Variants in SLC35E1 observed in about 807,000 individuals in gnomAD.
SLC35E1 encodes the protein solute carrier family 35, member E1.
SLC35E1 carries 12 observed loss-of-function variants against 31.0 expected under a neutral mutation model. The observed-to-expected ratio is 0.39, with a 90% CI of 0.25 to 0.63. SLC35E1 has a LOEUF of 0.63. Ranked by LOEUF, SLC35E1 falls within the 20% of genes least tolerant of loss-of-function variation. The pLI, the probability that SLC35E1 is intolerant of heterozygous loss-of-function variation, is 0.52. For missense variants in SLC35E1, 429 were observed against 572.2 expected (o/e 0.75, Z 2.55); for synonymous variants, 257 against 264.1 (o/e 0.97, Z 0.26).
chr19:16,556,950 G>A (rs934537370), intron 4 of SLC35E1: 9 of 471,332 alleles, frequency 1.9e-5, no homozygotes, highest in East Asian at 6.9e-5. Context: ...CAGCTTCTGC[G>A]GGGAACCTCA....
chr19:16,567,365 G>C (rs1199688468), intron 3 of SLC35E1, among the ~76,000 whole-genome samples: 3 of 152,014 alleles, frequency 2.0e-5, no homozygotes, highest in Non-Finnish European at 4.4e-5. Flanking sequence ...TTTTTAGCTA[G>C]GCCTGGTGGC....
chr19:16,553,230 ACGTTC>A lies in SLC35E1; in HGVS notation c.*444_*448del. ...CCAGGGAATTAAACTAGCCAGTCTG[ACGTTC>A]TCAAGCACCGCCCTGGACACCCCCA... On this transcript the variant is annotated 3_prime_UTR_variant, in exon 6 of 6. Transcript: ENST00000595753. 1 of 152,800 alleles carries A rather than the reference ACGTTC, an allele frequency of 6.5e-6. No homozygotes were observed. The highest frequency in any genetic ancestry group is 2.1e-4 in the South Asian group (1 of 4,832). 9.5% of individuals were successfully genotyped at this position (152,800 alleles called of 1,614,324 possible). A position where few individuals can be genotyped will look rare whatever the true frequency, so the allele number is the denominator to read the frequency against.
intron 3 of SLC35E1, among the ~76,000 whole-genome samples, chr19:16,567,800 C>T (rs566819687): frequency 5.3e-5 from 8 of 151,752 alleles, no homozygotes; most frequent in African/African-American, 4.8e-5. Context: ...GTGAACCGCC[C>T]GCCTTGGCCT....
chr19:16,567,999 C>G (rs1403559952), intron 3 of SLC35E1, 33 bp downstream of exon 3: 1 of 1,575,426 alleles, frequency 6.3e-7, no homozygotes, highest in Non-Finnish European at 8.6e-7. Flanking sequence ...ACCCCTGAAA[C>G]CCCATGCATG....
At chr19:16,567,922 C>T in intron 3 of SLC35E1, 110 bp downstream of exon 3, 1 of 1,383,972 alleles carries the variant, frequency 7.2e-7, no homozygotes, top group South Asian at 1.5e-5. Context: ...CAAGATTTTT[C>T]TGCTCTAATA....
At chr19:16,567,594 C>T (rs1407134254) in intron 3 of SLC35E1, among the ~76,000 whole-genome samples, 1 of 152,184 alleles carries the variant, frequency 6.6e-6, no homozygotes, top group Non-Finnish European at 1.5e-5. Flanking sequence ...TGGAGACTCA[C>T]TCTTGCCCAG....
chr19:16,560,334 T>C (rs1255734183), intron 4 of SLC35E1, among the ~76,000 whole-genome samples: 1 of 152,154 alleles, frequency 6.6e-6, no homozygotes, highest in African/African-American at 2.4e-5. Context: ...CGTACTCTGC[T>C]GTTCACTTCC....
At chr19:16,566,314 G>C (rs1021320760) in intron 4 of SLC35E1, 13 of 572,194 alleles carry the variant, frequency 2.3e-5, no homozygotes, top group African/African-American at 2.3e-4. Context: ...CAGCACCTGG[G>C]ATCAAGCACA....
rs982004000 is a variant in SLC35E1, at chr19:16,552,875, T to G, written c.*804A>C. 1 of 152,228 alleles carries G rather than the reference T, an allele frequency of 6.6e-6. No homozygotes were observed. The highest frequency in any genetic ancestry group is 2.4e-5 in the African/African-American group (1 of 41,446). 9.4% of individuals were successfully genotyped at this position (152,228 alleles called of 1,614,324 possible). ...GCCACAGAAATAGAGCTTGAAATAC[T>G]GAACACGATTTCTCGAAGATCCTTC... is the stretch of plus-strand genomic sequence containing the variant. On this transcript the variant is annotated 3_prime_UTR_variant, in exon 6 of 6. Transcript: ENST00000595753.
chr19:16,553,589 G>A lies in SLC35E1; in HGVS notation c.*90C>T. The A allele has an allele frequency of 8.1e-7, 1 of 1,239,566 alleles. No homozygotes were observed. Among genetic ancestry groups the A allele is most frequent in the East Asian group, 2.5e-5 (1 of 39,396 alleles). 76.8% of individuals were successfully genotyped at this position (1,239,566 alleles called of 1,614,324 possible). A position where few individuals can be genotyped will look rare whatever the true frequency, so the allele number is the denominator to read the frequency against. On this transcript the variant is annotated 3_prime_UTR_variant, in exon 6 of 6. Coordinates refer to ENST00000595753, the MANE Select transcript of SLC35E1 (RefSeq NM_024881.5). ...AGTTATGCACCGTCCCCTCGGCTGG[G>A]TTGTACATTCACTGATTGTCAGAAG...
chr19:16,560,292 G>A (rs1400777999), intron 4 of SLC35E1, among the ~76,000 whole-genome samples: 1 of 151,996 alleles, frequency 6.6e-6, no homozygotes, highest in African/African-American at 2.4e-5. Flanking sequence ...CCCTTTCATG[G>A]CCCTCCAGTC....
In SLC35E1 at chr19:16,553,156, C is replaced by A. The variant is rs899237159; in HGVS notation, c.*523G>T. On this transcript the variant is annotated 3_prime_UTR_variant, in exon 6 of 6. Coordinates refer to ENST00000595753, the MANE Select transcript of SLC35E1 (RefSeq NM_024881.5). Reference sequence around the variant, plus strand: ...CTGGGGATGTTTTGAATGATTCTCGCGGGCTCCCTGTCTGCTTGGTGACCC... The same window carrying A: ...CTGGGGATGTTTTGAATGATTCTCGAGGGCTCCCTGTCTGCTTGGTGACCC... 1 of 152,342 alleles carries A rather than the reference C, an allele frequency of 6.6e-6. No individual in the cohort carries two copies. Among genetic ancestry groups the A allele is most frequent in the African/African-American group, 2.4e-5 (1 of 41,436 alleles). The allele number at this position is 152,342 out of a possible 1,614,324, so 9.4% of individuals were successfully genotyped here.
intron 1 of SLC35E1, 49 bp downstream of exon 1, chr19:16,571,895 C>T: frequency 8.6e-6 from 13 of 1,518,836 alleles, no homozygotes; most frequent in Non-Finnish European, 1.1e-5. Flanking sequence ...CGCCCAAACC[C>T]GAAGCGGCGG....
chr19:16,572,024 G>A lies in SLC35E1; in HGVS notation c.341C>T (p.Pro114Leu), dbSNP rs1410634210. The A allele has an allele frequency of 1.9e-5, 30 of 1,544,678 alleles. No homozygotes were observed. The highest frequency in any genetic ancestry group is 1.7e-4 in the Middle Eastern group (1 of 5,964). ...CGCGAAGTACTTGCCGAAGGCGAGC[G>A]GTAGCACGTAGCGCGGGTAGAAGCG... ...PPRFYPRYVL[P>L]LAFGKYFASV... Residue 114 changes from proline (P) to leucine (L), a missense_variant, in exon 1 of 6, where the codon CCG becomes CTG. Physicochemically the swap from Pro to Leu is moderately conservative, Grantham distance 98. Coordinates refer to ENST00000595753, the MANE Select transcript of SLC35E1 (RefSeq NM_024881.5). The surrounding 1 kb of genome is among the most constrained non-coding windows in gnomAD (Gnocchi z 4.1).
Position 16,555,133 on chromosome 19 carries a change from C to T in SLC35E1, c.1002+19G>A. ...TGGGGGGCCGGCTTCCTTCCCTGCC[C>T]AGCCTCTCAGACTCTCACCTTGTTA... On this transcript the variant is annotated intron_variant, in intron 5 of 5. Transcript: ENST00000595753. This position sits in a 1 kb window ranked among gnomAD's most constrained non-coding sequence, Gnocchi z 4.1. 1.2e-6 allele frequency: 2 copies of T among 1,613,324 alleles called. No homozygotes were observed. Among genetic ancestry groups the T allele is most frequent in the South Asian group, 2.2e-5 (2 of 91,036 alleles).
Position 16,551,962 on chromosome 19 carries a change from G to C in SLC35E1, c.*1717C>G, listed in dbSNP as rs999128029. The C allele has an allele frequency of 5.3e-5, 8 of 151,890 alleles. No individual in the cohort carries two copies. Among genetic ancestry groups the C allele is most frequent in the African/African-American group, 1.7e-4 (7 of 41,330 alleles). The allele number at this position is 151,890 out of a possible 1,614,324, so 9.4% of individuals were successfully genotyped here. ...AGATGGGGTTTCACCATGTTGGCCA[G>C]GGTGGTCTCAAACTCCAGTGATCCA... On this transcript the variant is annotated 3_prime_UTR_variant, in exon 6 of 6. Transcript: ENST00000595753.
chr19:16,571,651 G>T, intron 1 of SLC35E1, 69 bp from the exon 2 acceptor site: 1 of 1,546,772 alleles, frequency 6.5e-7, no homozygotes, highest in Non-Finnish European at 8.9e-7. Context: ...CCACCTCCAC[G>T]GCGGGATGGG....
intron 4 of SLC35E1, chr19:16,565,156 C>T (rs908036268): frequency 1.5e-5 from 7 of 456,246 alleles, no homozygotes; most frequent in East Asian, 1.4e-4. Flanking sequence ...AAAGATTCGA[C>T]GTGGAGTAAA....
In SLC35E1 at chr19:16,566,624, G is replaced by A. The variant is rs1232950282; in HGVS notation, c.664C>T (p.Leu222=). The change falls in exon 4 of 6, where the codon CTG becomes TTG. Residue 222 remains leucine (L), a synonymous_variant. Coordinates refer to ENST00000595753, the MANE Select transcript of SLC35E1 (RefSeq NM_024881.5). The part of the protein sequence containing the change: ...LRDSRIHHLR[L]LNILGCHAVF... ...GCGTGGCAGCCCAGGATGTTGAGCAGCCGGAGATGGTGGATCCGTGAATCT... is the reference window on the plus strand; with the variant it reads ...GCGTGGCAGCCCAGGATGTTGAGCAACCGGAGATGGTGGATCCGTGAATCT... 6.2e-7 allele frequency: 1 copy of A among 1,612,584 alleles called. No homozygotes were observed. The highest frequency in any genetic ancestry group is 8.5e-7 in the Non-Finnish European group (1 of 1,180,012).
Sources: allele counts gnomAD v4.1 joint callset (sites outside exome capture counted in the v4.1 genomes callset), GRCh38; gene constraint gnomAD v4.1.1; non-coding constraint Gnocchi (gnomAD v3.1); transcripts MANE v1.5; gene names NCBI Gene and HGNC (gene_info 2026-07-23, HGNC 2026-07-21).